PSMA8: variants seen among roughly 807,000 people sequenced by gnomAD.
The protein encoded by PSMA8 is proteasome subunit alpha-type 8.
Under a neutral mutation model 32.4 loss-of-function variants are expected in PSMA8, and 18 were observed. The observed-to-expected ratio is 0.56, with a 90% CI of 0.38 to 0.82. The LOEUF (loss-of-function observed/expected upper bound fraction) is 0.82, where lower values mean the gene tolerates loss of function less well. PSMA8 is among the 40% of genes least tolerant of loss of function. The probability of loss-of-function intolerance (pLI) is 0.00; values close to 1 mark genes in which losing one functional copy is unlikely to be tolerated. For missense variants in PSMA8, 298 were observed against 300.7 expected, an observed-to-expected ratio of 0.99 and a Z score of 0.07; for synonymous variants, 104 against 98.1, an observed-to-expected ratio of 1.06 and a Z score of -0.36.
At chr18:26,164,342 C>T (rs1251475845) in intron 4 of PSMA8, among the ~76,000 whole-genome samples, 1 of 152,122 alleles carries the variant, frequency 6.6e-6, no homozygotes, top group Non-Finnish European at 1.5e-5. Flanking sequence ...TAAGGGGTGC[C>T]AAAACCATCA....
At chr18:26,186,863 T>C (rs1322268255) in intron 6 of PSMA8, among the ~76,000 whole-genome samples, 1 of 151,850 alleles carries the variant, frequency 6.6e-6, no homozygotes, top group African/African-American at 2.4e-5. Context: ...TAAAAGAAAA[T>C]CCCCAGGAAC....
intron 4 of PSMA8, among the ~76,000 whole-genome samples, chr18:26,160,176 A>G (rs944341107): frequency 2.6e-5 from 4 of 152,108 alleles, no homozygotes; most frequent in Non-Finnish European, 1.5e-5. Context: ...TTGGTGGTAC[A>G]CACTTGTAGT....
At chr18:26,182,197 G>A (rs1440885111) in intron 6 of PSMA8, among the ~76,000 whole-genome samples, 4 of 152,210 alleles carry the variant, frequency 2.6e-5, no homozygotes, top group Admixed American at 2.0e-4. Flanking sequence ...AGAAGCTGCA[G>A]CAAGTTATCC....
intron 6 of PSMA8, among the ~76,000 whole-genome samples, chr18:26,191,024 T>C (rs558411886): frequency 5.3e-5 from 8 of 152,324 alleles, no homozygotes; most frequent in African/African-American, 1.9e-4. Context: ...AATACAGATT[T>C]TGTGACACAC....
At position 26,178,853 on chromosome 18, in the gene PSMA8, T is replaced by G. The variant is rs1462103783; in HGVS notation, c.501T>G (p.Ala167=). 3 of 1,613,538 alleles carry G rather than the reference T, an allele frequency of 1.9e-6. No individual in the cohort carries two copies. Among genetic ancestry groups the G allele is most frequent in the Non-Finnish European group, 2.5e-6 (3 of 1,179,738 alleles). Residue 167 remains alanine, a synonymous_variant, in exon 5 of 7, where the codon GCT becomes GCG. Transcript: ENST00000415576. ...AWKANAIGRS[A]KTVREFLEKN... is the part of the protein sequence containing the mutation. The stretch of plus-strand genomic sequence containing the variant: ...AGGCAAATGCAATAGGCCGAAGTGC[T>G]AAAACTGTTCGAGAATTTCTAGAAA...
chr18:26,180,457 A>T (rs1318205483), intron 6 of PSMA8, among the ~76,000 whole-genome samples: 2 of 152,156 alleles, frequency 1.3e-5, no homozygotes, highest in Non-Finnish European at 2.9e-5. Flanking sequence ...ATAAGACAGC[A>T]GCAAAGTTTC....
intron 2 of PSMA8, among the ~76,000 whole-genome samples, chr18:26,151,554 A>G (rs2055045768): frequency 6.6e-6 from 1 of 152,246 alleles, no homozygotes; most frequent in Non-Finnish European, 1.5e-5. Flanking sequence ...CAGTGAATAT[A>G]TATTTGATAA....
intron 4 of PSMA8, among the ~76,000 whole-genome samples, 157 bp downstream of exon 4, chr18:26,158,401 T>C (rs1054049071): frequency 6.6e-6 from 1 of 152,218 alleles, no homozygotes; most frequent in Non-Finnish European, 1.5e-5. Context: ...ATGATTTTGG[T>C]TGGATAAAGA....
intron 4 of PSMA8, among the ~76,000 whole-genome samples, chr18:26,163,213 G>GTGTA (rs1420987062): frequency 2.9e-3 from 236 of 80,828 alleles, no homozygotes; most frequent in Admixed American, 4.3e-3. Context: ...ATGTGTGTGT[G>GTGTA]TATATATATA....
chr18:26,164,902 T>G (rs1195385787), intron 4 of PSMA8, among the ~76,000 whole-genome samples: 2 of 151,896 alleles, frequency 1.3e-5, no homozygotes, highest in African/African-American at 2.4e-5. Flanking sequence ...GAGTTTTTGG[T>G]TTTTTTGTTT....
intron 4 of PSMA8, chr18:26,171,121 T>C: frequency 6.4e-7 from 1 of 1,559,506 alleles, no homozygotes. Context: ...AACCAGGTCT[T>C]CTTACCCATA....
rs368004275 is a variant in PSMA8, at chr18:26,150,494, T to C, written c.230-1364T>C. Among the ~76,000 whole-genome samples the C allele has an allele frequency of 1.2e-4, 18 of 152,272 alleles. No individual in the cohort carries two copies. The East Asian group carries it at 3.1e-3, about 26-fold the overall frequency. ...CTAGGACTACAGGCATGTGCCAGCA[T>C]GGCCTGCTAGCTTTTTTATTTTTTT... On this transcript the variant is annotated intron_variant, in intron 2 of 6. Transcript: ENST00000415576.
intron 1 of PSMA8, among the ~76,000 whole-genome samples, chr18:26,143,088 C>A (rs2054972276): frequency 6.6e-6 from 1 of 152,172 alleles, no homozygotes; most frequent in Admixed American, 6.5e-5. Flanking sequence ...CATCTTCTTT[C>A]ATTTTGCTTA....
chr18:26,170,747 A>T, intron 4 of PSMA8: 1 of 1,534,740 alleles, frequency 6.5e-7, no homozygotes, highest in South Asian at 1.1e-5. Context: ...CATATACTTC[A>T]AATTTGTACT....
In PSMA8 at chr18:26,139,664, A is replaced by G. The variant is rs1457477699; in HGVS notation, c.103-4895A>G. ...TGTTCAATAAGACTAAATATAGACT[A>G]TAGACTAAGCCGAGGATAGTCTACA... On this transcript the variant is annotated intron_variant, in intron 1 of 6. Transcript: ENST00000415576. Among the ~76,000 whole-genome samples, 7 of 152,208 alleles carry G rather than the reference A, an allele frequency of 4.6e-5. No homozygotes were observed. The East Asian group carries it at 1.3e-3, about 29-fold the overall frequency.
chr18:26,180,705 C>A (rs2055304080), intron 6 of PSMA8, among the ~76,000 whole-genome samples: 1 of 151,650 alleles, frequency 6.6e-6, no homozygotes, highest in Admixed American at 6.6e-5. Context: ...GACACACACA[C>A]ACACACACAC....
intron 2 of PSMA8, among the ~76,000 whole-genome samples, chr18:26,148,560 A>T (rs2055021545): frequency 6.6e-6 from 1 of 152,110 alleles, no homozygotes; most frequent in South Asian, 2.1e-4. Flanking sequence ...AGCTGACATC[A>T]TACTCAGTGG....
Position 26,133,908 on chromosome 18 carries a change from C to A in PSMA8, c.-58C>A. The A allele has an allele frequency of 1.4e-6, 2 of 1,477,120 alleles. No homozygotes were observed. The highest frequency in any genetic ancestry group is 2.3e-5 in the East Asian group (1 of 43,820). The allele number at this position is 1,477,120 out of a possible 1,614,324, so 91.5% of individuals were successfully genotyped here. On this transcript the variant is annotated 5_prime_UTR_variant, in exon 1 of 7. Transcript: ENST00000415576. Reference sequence around the variant, plus strand: ...GCACGCTGTGTTGGCGGCGGCTCCCCGCTTGCCTCAGCTGCAGCAGCGGGA... The same window carrying A: ...GCACGCTGTGTTGGCGGCGGCTCCCAGCTTGCCTCAGCTGCAGCAGCGGGA...
At chr18:26,186,868 A>G (rs1013730378) in intron 6 of PSMA8, among the ~76,000 whole-genome samples, 1 of 152,254 alleles carries the variant, frequency 6.6e-6, no homozygotes, top group Non-Finnish European at 1.5e-5. Context: ...GAAAATCCCC[A>G]GGAACCAAAA....
Sources: allele counts gnomAD v4.1 joint callset (sites outside exome capture counted in the v4.1 genomes callset), GRCh38; gene constraint gnomAD v4.1.1; transcripts MANE v1.5; gene names NCBI Gene and HGNC (gene_info 2026-07-23, HGNC 2026-07-21).